The following MGST1 variants were observed in gnomAD, a reference collection of about 807,000 sequenced individuals.
The protein encoded by MGST1 is microsomal glutathione S-transferase 1.
MGST1 carries 5 observed loss-of-function variants against 8.9 expected under a neutral mutation model. The ratio of observed to expected loss-of-function variants is 0.56; its 90% confidence interval spans 0.29 to 1.19. MGST1 has a LOEUF of 1.19. MGST1 is among the 50% of genes most tolerant of loss of function. MGST1 has a pLI of 0.08. For missense variants in MGST1, 182 were observed against 187.4 expected (o/e 0.97, Z 0.17); for synonymous variants, 54 against 67.8 (o/e 0.80, Z 1.00).
At position 16,582,993 on chromosome 12, in the gene MGST1, G is replaced by C. The variant is rs1446178034; in HGVS notation, n.483-6535G>C. Reference sequence around the variant, plus strand: ...AGCTGGGAGGCAGAGGTTGTAGTGAGCTGAGATCACTCCACTGCACTCTAG... The same window carrying C: ...AGCTGGGAGGCAGAGGTTGTAGTGACCTGAGATCACTCCACTGCACTCTAG... On this transcript the variant is annotated intron_variant and non_coding_transcript_variant, in intron 4 of 4. Transcript: ENST00000538857. The surrounding 1 kb of genome is among the most constrained non-coding windows in gnomAD (Gnocchi z 4.1). 6.8e-6 allele frequency among the ~76,000 whole-genome samples: 1 copy of C among 147,882 alleles called. No homozygotes were observed. The highest frequency in any genetic ancestry group is 2.0e-4 in the East Asian group (1 of 5,020).
intron 1 of MGST1, among the ~76,000 whole-genome samples, chr12:16,414,980 C>T (rs1940775386): frequency 6.6e-6 from 1 of 152,122 alleles, no homozygotes; most frequent in Non-Finnish European, 1.5e-5. Context: ...GCCAAGATCG[C>T]ACCATTGCAC....
In MGST1 at chr12:16,586,129, A is replaced by G. The variant is rs1418005786; in HGVS notation, n.483-3399A>G. Among the ~76,000 whole-genome samples, 1 of 152,228 alleles carries G rather than the reference A, an allele frequency of 6.6e-6. No homozygotes were observed. Among genetic ancestry groups the G allele is most frequent in the African/African-American group, 2.4e-5 (1 of 41,460 alleles). On this transcript the variant is annotated intron_variant and non_coding_transcript_variant, in intron 4 of 4. Transcript: ENST00000538857. This position sits in a 1 kb window ranked among gnomAD's most constrained non-coding sequence, Gnocchi z 4.3. ...CAATAGGGGTCAAGATCAAAGACACAGGGAAGGATAAATTAAAAACCATCA... is the reference window on the plus strand; with the variant it reads ...CAATAGGGGTCAAGATCAAAGACACGGGGAAGGATAAATTAAAAACCATCA...
chr12:16,485,979 G>A (rs892157319), intron 4 of MGST1, among the ~76,000 whole-genome samples: 5 of 152,084 alleles, frequency 3.3e-5, no homozygotes, highest in Admixed American at 6.5e-5. Context: ...AAGGGGCTTC[G>A]ATGACCTTTG....
Position 16,401,100 on chromosome 12 carries a change from C to T in MGST1, n.778+17496C>T. The T allele has an allele frequency of 2.5e-6, 4 of 1,587,578 alleles. No homozygotes were observed. Among genetic ancestry groups the T allele is most frequent in the South Asian group, 2.2e-5 (2 of 90,534 alleles). ...GGTCCTCTGCCTCATCTTTCTCCTC[C>T]TCCTCCTTTTCCTCATCTTCGTTCC... On this transcript the variant is annotated intron_variant and non_coding_transcript_variant, in intron 1 of 1. Coordinates refer to the MGST1 transcript ENST00000359720. The surrounding 1 kb of genome is among the most constrained non-coding windows in gnomAD (Gnocchi z 4.3).
intron 1 of MGST1, among the ~76,000 whole-genome samples, chr12:16,384,061 A>G (rs1488465700): frequency 1.3e-5 from 2 of 152,148 alleles, no homozygotes; most frequent in Non-Finnish European, 2.9e-5. Flanking sequence ...TTGAAAAGGG[A>G]CAAAAAGTAG....
rs1438223915 is a variant in MGST1 at position 16,584,202 on chromosome 12, G to A, written n.483-5326G>A. Among the ~76,000 whole-genome samples, 2 of 152,082 alleles carry A rather than the reference G, an allele frequency of 1.3e-5. No individual in the cohort carries two copies. The highest frequency in any genetic ancestry group is 4.8e-5 in the African/African-American group (2 of 41,412). ...ATAATTAGATGTACGAGTTTTGTTG[G>A]AGGATGCATTTTTTAGTAGTGAGTG... On this transcript the variant is annotated intron_variant and non_coding_transcript_variant, in intron 4 of 4. Transcript: ENST00000538857. The surrounding 1 kb of genome is among the most constrained non-coding windows in gnomAD (Gnocchi z 5.2).
chr12:16,354,401 T>C, intron 2 of MGST1, 23 bp downstream of exon 2: 2 of 1,582,184 alleles, frequency 1.3e-6, no homozygotes, highest in South Asian at 2.4e-5. Flanking sequence ...GAGGTAATAT[T>C]TTCTTACTTT....
chr12:16,387,566 G>A (rs1351597866), intron 1 of MGST1, among the ~76,000 whole-genome samples: 2 of 144,620 alleles, frequency 1.4e-5, no homozygotes, highest in African/African-American at 5.2e-5. Flanking sequence ...TCGCTCTGTT[G>A]CCCAGGCTGG....
At chr12:16,370,726 C>G (rs1940276121) in intron 3 of MGST1, among the ~76,000 whole-genome samples, 1 of 152,128 alleles carries the variant, frequency 6.6e-6, no homozygotes, top group African/African-American at 2.4e-5. Flanking sequence ...TACTTATGCT[C>G]TATTCATTTC....
intron 3 of MGST1, among the ~76,000 whole-genome samples, chr12:16,359,574 C>T (rs1421262870): frequency 6.6e-6 from 1 of 151,564 alleles, no homozygotes; most frequent in Non-Finnish European, 1.5e-5. Context: ...AACAGCAGAA[C>T]AATATCAAAG....
chr12:16,543,644 C>T (rs1044985235), intron 4 of MGST1, among the ~76,000 whole-genome samples: 3 of 151,826 alleles, frequency 2.0e-5, no homozygotes, highest in South Asian at 2.1e-4. Flanking sequence ...CAATAAAATG[C>T]TGTAAAGTAG....
chr12:16,568,192 C>G (rs1031669967), intron 4 of MGST1, among the ~76,000 whole-genome samples: 1 of 152,158 alleles, frequency 6.6e-6, no homozygotes, highest in Non-Finnish European at 1.5e-5. Flanking sequence ...CTACACAAGA[C>G]TTGTAAGAAC....
chr12:16,401,768 A>G lies in MGST1; in HGVS notation n.778+18164A>G. On this transcript the variant is annotated intron_variant and non_coding_transcript_variant, in intron 1 of 1. Coordinates refer to the MGST1 transcript ENST00000359720. The surrounding 1 kb of genome is among the most constrained non-coding windows in gnomAD (Gnocchi z 4.3). ...CTTCAACGGCCTTTTCCACAGACTC[A>G]GCCAGTTTGCTGTGTCAAACTTTCT... The G allele has an allele frequency of 6.2e-7, 1 of 1,600,688 alleles. No individual in the cohort carries two copies. The highest frequency in any genetic ancestry group is 1.1e-5 in the South Asian group (1 of 90,810).
At chr12:16,400,205 T>G (rs1027665294) in intron 1 of MGST1, 5 of 941,698 alleles carry the variant, frequency 5.3e-6, no homozygotes, top group Non-Finnish European at 8.8e-6. Flanking sequence ...CCCACTTCTG[T>G]GTAGAACTGC....
intron 1 of MGST1, among the ~76,000 whole-genome samples, chr12:16,388,206 G>C (rs1455171667): frequency 1.3e-5 from 2 of 151,810 alleles, no homozygotes; most frequent in African/African-American, 4.8e-5. Flanking sequence ...GAATACTGTA[G>C]GCAATTGTAA....
rs564602730 is a variant in MGST1 at position 16,430,613 on chromosome 12, A to T, written n.779-6775A>T. Among the ~76,000 whole-genome samples, 5 of 151,170 alleles carry T rather than the reference A, an allele frequency of 3.3e-5. No individual in the cohort carries two copies. In the South Asian group the frequency reaches 8.4e-4, roughly 25 times the overall value. ...AATGAGTGGTAATATTTTGAAAGAA[A>T]TTTTTTTTTTCTGAGCAGTAGGTCT... On this transcript the variant is annotated intron_variant and non_coding_transcript_variant, in intron 1 of 1. Coordinates refer to the MGST1 transcript ENST00000359720.
At chr12:16,396,628 TC>T (rs1565446813) in intron 1 of MGST1, among the ~76,000 whole-genome samples, 1 of 151,986 alleles carries the variant, frequency 6.6e-6, no homozygotes, top group East Asian at 1.9e-4. Context: ...CAGTAACTCT[TC>T]TACACACCAA....
At chr12:16,506,046 A>G in intron 4 of MGST1, among the ~76,000 whole-genome samples, 1 of 152,232 alleles carries the variant, frequency 6.6e-6, no homozygotes, top group Non-Finnish European at 1.5e-5. Context: ...AGCTCCAATT[A>G]TTTAAAGTAT....
intron 4 of MGST1, among the ~76,000 whole-genome samples, chr12:16,538,549 C>T (rs932155319): frequency 6.6e-6 from 1 of 151,602 alleles, no homozygotes; most frequent in African/African-American, 2.4e-5. Context: ...TTTAATTGGA[C>T]TTACAGTTCC....
Sources: allele counts gnomAD v4.1 joint callset (sites outside exome capture counted in the v4.1 genomes callset), GRCh38; gene constraint gnomAD v4.1.1; non-coding constraint Gnocchi (gnomAD v3.1); transcripts MANE v1.5; gene names NCBI Gene and HGNC (gene_info 2026-07-23, HGNC 2026-07-21).